Variants in TMEM150B observed in about 807,000 individuals in gnomAD.
TMEM150B encodes transmembrane protein 150B.
A neutral mutation model predicts 25.2 loss-of-function variants in TMEM150B; 33 were observed. The ratio of observed to expected loss-of-function variants is 1.31; its 90% CI spans 0.99 to 1.75. TMEM150B has a LOEUF of 1.75. TMEM150B is among the 40% of genes most tolerant of loss of function. The pLI is 0.00. For missense variants in TMEM150B, 322 were observed against 306.1 expected (o/e 1.05, Z -0.39); for synonymous variants, 133 against 134.8 (o/e 0.99, Z 0.09).
At chr19:55,315,630 T>G (rs924718567) in intron 7 of TMEM150B, among the ~76,000 whole-genome samples, 12 of 151,596 alleles carry the variant, frequency 7.9e-5, no homozygotes, top group African/African-American at 2.9e-4. Flanking sequence ...GCATGGTGGC[T>G]GGCGCCTGTA....
intron 5 of TMEM150B, 52 bp downstream of exon 5, chr19:55,320,339 C>T: frequency 6.6e-7 from 1 of 1,504,270 alleles, no homozygotes; most frequent in Non-Finnish European, 8.9e-7. Context: ...GGTTTCGGAA[C>T]TCGCTTGGCT....
intron 1 of TMEM150B, among the ~76,000 whole-genome samples, chr19:55,323,302 G>C (rs1484671648): frequency 6.6e-6 from 1 of 151,778 alleles, no homozygotes; most frequent in Non-Finnish European, 1.5e-5. Context: ...TGTGGTGGCG[G>C]GAGCCTGTAA....
chr19:55,316,774 CAAG>C lies in TMEM150B; in HGVS notation c.505+9_505+11del. 4.7e-6 allele frequency: 7 copies of C among 1,493,550 alleles called. No homozygotes were observed. Among genetic ancestry groups the C allele is most frequent in the Non-Finnish European group, 5.3e-6 (6 of 1,126,280 alleles). 92.5% of individuals were successfully genotyped at this position (1,493,550 alleles called of 1,614,324 possible). A position where few individuals can be genotyped will look rare whatever the true frequency, so the allele number is the denominator to read the frequency against. On this transcript the variant is annotated intron_variant, in intron 7 of 7. Transcript: ENST00000326652. ...CCACCTCCAAGCCCTACCCCGGATA[CAAG>C]AAGGATACTGGCCACAATGAGGATG...
chr19:55,324,019 G>A (rs1021213942), intron 1 of TMEM150B, among the ~76,000 whole-genome samples: 24 of 149,844 alleles, frequency 1.6e-4, no homozygotes, highest in African/African-American at 5.9e-4. Flanking sequence ...TGTTGGCCAG[G>A]CTGGCCTCAA....
At position 55,320,036 on chromosome 19, in the gene TMEM150B, C is replaced by T. The variant is rs1464025287; in HGVS notation, c.324+3G>A. 3.1e-6 allele frequency: 5 copies of T among 1,614,106 alleles called. No homozygotes were observed. The highest frequency in any genetic ancestry group is 4.2e-6 in the Non-Finnish European group (5 of 1,180,016). On this transcript the variant is annotated splice_donor_region_variant and intron_variant, in intron 6 of 7. Coordinates refer to ENST00000326652, the MANE Select transcript of TMEM150B (RefSeq NM_001282011.2). ...CAGACCCTGGGCGCCGACTGGGTCT[C>T]ACCTGGAAATTGCCTACCACGGAGG... is the stretch of plus-strand genomic sequence containing the variant.
chr19:55,316,730 G>A, intron 7 of TMEM150B, 56 bp downstream of exon 7: 2 of 1,401,776 alleles, frequency 1.4e-6, no homozygotes, highest in South Asian at 1.7e-5. Context: ...CAGGCAGGAA[G>A]ACCAACTCCA....
At chr19:55,317,384 A>G (rs959967961) in intron 6 of TMEM150B, among the ~76,000 whole-genome samples, 4 of 152,166 alleles carry the variant, frequency 2.6e-5, no homozygotes, top group African/African-American at 9.7e-5. Context: ...GGTGGCTCAC[A>G]TCTGTAATCC....
At position 55,320,383 on chromosome 19, in the gene TMEM150B, A is replaced by G; in HGVS notation, c.196+8T>C. The G allele has an allele frequency of 1.2e-5, 18 of 1,536,330 alleles. No homozygotes were observed. Among genetic ancestry groups the G allele is most frequent in the Non-Finnish European group, 1.6e-5 (18 of 1,141,548 alleles). On this transcript the variant is annotated splice_region_variant and intron_variant, in intron 5 of 7. Transcript: ENST00000326652. Reference sequence around the variant, plus strand: ...GAGCACTGAACCAAAGGGCTGGGCAATATTTACCCAGAGCAGCTCCCATAT... The same window carrying G: ...GAGCACTGAACCAAAGGGCTGGGCAGTATTTACCCAGAGCAGCTCCCATAT...
At chr19:55,310,735 T>G (rs1388284747), downstream of TMEM150B, among the ~76,000 whole-genome samples, 2 of 152,094 alleles carry the variant, frequency 1.3e-5, no homozygotes, top group Non-Finnish European at 2.9e-5. The surrounding 1 kb of genome is among the most constrained non-coding windows in gnomAD (Gnocchi z 5.0). Flanking sequence ...GCAGAAACCC[T>G]CTTTTCTCAT....
At chr19:55,323,357 G>C (rs938136653) in intron 1 of TMEM150B, among the ~76,000 whole-genome samples, 2 of 151,818 alleles carry the variant, frequency 1.3e-5, no homozygotes, top group Non-Finnish European at 2.9e-5. Context: ...CCTTGAACCT[G>C]GGAAGCAGAA....
downstream of TMEM150B, chr19:55,311,979 C>G (rs574851872): frequency 6.3e-7 from 1 of 1,586,466 alleles, no homozygotes; most frequent in East Asian, 2.3e-5. Context: ...CCCACCCGGC[C>G]GCCCAGACCC....
chr19:55,320,586 C>T lies in TMEM150B; in HGVS notation c.100G>A (p.Asp34Asn). Residue 34 changes from aspartate (D) to asparagine (N), a missense_variant, in exon 4 of 8, where the codon GAC becomes AAC. By Grantham distance (23) the Asp-to-Asn change is conservative. Transcript: ENST00000326652. ...FAIAVTNRTV[D>N]LSKGFPYISI... ...ATGTAGGGAAAGCCTTTACTGAGGT[C>T]CACAGTCCTGTTGGTCACTGCAATG... is the stretch of plus-strand genomic sequence containing the variant. 6.2e-7 allele frequency: 1 copy of T among 1,613,812 alleles called. No homozygotes were observed. The highest frequency in any genetic ancestry group is 8.5e-7 in the Non-Finnish European group (1 of 1,179,914).
rs1390336576 is a variant in TMEM150B, at chr19:55,316,850, C to G, written c.441G>C (p.Gly147=). 1 of 1,593,024 alleles carries G rather than the reference C, an allele frequency of 6.3e-7. No homozygotes were observed. Among genetic ancestry groups the G allele is most frequent in the Non-Finnish European group, 8.5e-7 (1 of 1,172,548 alleles). Residue 147 remains glycine (G), a synonymous_variant, in exon 7 of 8, where the codon GGG becomes GGC. Coordinates refer to ENST00000326652, the MANE Select transcript of TMEM150B (RefSeq NM_001282011.2). ...GGCGGAGGGGCCCAATCCAGGCAGC[C>G]CCGGGCTGGGGCAGCCTCTTCAGCC... ...LWRLKRLPQP[G]AAWIGPLRLG...
chr19:55,315,958 T>C (rs1481616687), intron 7 of TMEM150B, among the ~76,000 whole-genome samples: 2 of 151,874 alleles, frequency 1.3e-5, no homozygotes, highest in East Asian at 3.9e-4. Context: ...ATAATCATGA[T>C]GATAAAAGCA....
Position 55,320,399 on chromosome 19 carries a change from G to C in TMEM150B, c.188C>G (p.Ala63Gly). ...GGCTGGGCAATATTTACCCAGAGCA[G>C]CTCCCATATTGAGCACCTGGCTGAA... ...CIFSQVLNMG[A>G]ALAAWICIVR... The change falls in exon 5 of 8, where the codon GCT becomes GGT. Residue 63 changes from alanine to glycine, a missense_variant. Transcript: ENST00000326652. 1 of 1,561,574 alleles carries C rather than the reference G, an allele frequency of 6.4e-7. No homozygotes were observed. Among genetic ancestry groups the C allele is most frequent in the Non-Finnish European group, 8.7e-7 (1 of 1,152,716 alleles).
chr19:55,311,570 G>C (rs995453222), downstream of TMEM150B, among the ~76,000 whole-genome samples: 4 of 152,198 alleles, frequency 2.6e-5, no homozygotes, highest in Non-Finnish European at 5.9e-5. Context: ...GCACCGTCCT[G>C]GCAGGCTGTT....
In TMEM150B at chr19:55,320,164, C is replaced by T. The variant is rs777766455; in HGVS notation, c.199G>A (p.Ala67Thr). The T allele has an allele frequency of 4.3e-6, 7 of 1,613,756 alleles. No individual in the cohort carries two copies. Among genetic ancestry groups the T allele is most frequent in the African/African-American group, 2.7e-5 (2 of 74,880 alleles). The change falls in exon 6 of 8, where the codon GCG (alanine) becomes ACG (threonine). Residue 67 changes from alanine to threonine, a missense_variant and splice_region_variant. Coordinates refer to ENST00000326652, the MANE Select transcript of TMEM150B (RefSeq NM_001282011.2). Reference protein sequence around the residue: ...QVLNMGAALAAWICIVRYHQL... With the variant: ...QVLNMGAALATWICIVRYHQL... ...TGGTAACGGACAATGCAGATCCACG[C>T]GGCTGGGAGTAGAGGGGAGAAGGAA...
chr19:55,312,705 C>G, downstream of TMEM150B: 1 of 730,930 alleles, frequency 1.4e-6, no homozygotes, highest in East Asian at 2.7e-5. Context: ...CCCTCCGCGC[C>G]GGCACACAGG....
chr19:55,309,758 G>T (rs1333715927), downstream of TMEM150B, among the ~76,000 whole-genome samples: 2 of 152,212 alleles, frequency 1.3e-5, no homozygotes, highest in African/African-American at 2.4e-5. Flanking sequence ...AGCATAAGGG[G>T]CACTCGCCCA....
Sources: allele counts gnomAD v4.1 joint callset (sites outside exome capture counted in the v4.1 genomes callset), GRCh38; gene constraint gnomAD v4.1.1; non-coding constraint Gnocchi (gnomAD v3.1); transcripts MANE v1.5; gene names NCBI Gene and HGNC (gene_info 2026-07-23, HGNC 2026-07-21).